The following FBXO36 variants were observed in gnomAD, a reference collection of about 807,000 sequenced individuals.
The protein encoded by FBXO36 is F-box only protein 36.
In FBXO36, 18 loss-of-function variants were observed where a neutral mutation model predicts 17.0. The ratio of observed to expected loss-of-function variants is 1.06; its 90% CI spans 0.73 to 1.57. The LOEUF is 1.57. Ranked by LOEUF, FBXO36 falls within the 40% of genes most tolerant of loss-of-function variation. FBXO36 has a pLI of 0.00. For synonymous variants in FBXO36, 83 were observed against 85.3 expected, an observed-to-expected ratio of 0.97 and a Z score of 0.15; for missense variants, 229 against 221.9, an observed-to-expected ratio of 1.03 and a Z score of -0.20.
At chr2:229,944,744 C>T (rs985523419) in intron 1 of FBXO36, among the ~76,000 whole-genome samples, 2 of 151,912 alleles carry the variant, frequency 1.3e-5, no homozygotes, top group East Asian at 1.9e-4. Flanking sequence ...AGGCGCCCAC[C>T]ACCACGCCCG....
intron 1 of FBXO36, among the ~76,000 whole-genome samples, chr2:229,933,968 G>C (rs2076951690): frequency 2.0e-5 from 3 of 151,614 alleles, no homozygotes; most frequent in Non-Finnish European, 4.4e-5. Flanking sequence ...TTACAGGCGT[G>C]AGTCACCGTG....
chr2:229,942,626 C>T (rs2077005504), intron 1 of FBXO36: 1 of 152,372 alleles, frequency 6.6e-6, no homozygotes, highest in African/African-American at 2.4e-5. Flanking sequence ...CCTAGCTCCA[C>T]AGGGGCAGAA....
chr2:229,969,426 C>T (rs999048880), intron 1 of FBXO36, among the ~76,000 whole-genome samples: 5 of 151,536 alleles, frequency 3.3e-5, no homozygotes, highest in Middle Eastern at 3.4e-3. Context: ...CGGTGGCTCA[C>T]GCCTGTAATC....
At chr2:230,005,205 A>G (rs1212298486) in intron 3 of FBXO36, among the ~76,000 whole-genome samples, 1 of 152,082 alleles carries the variant, frequency 6.6e-6, no homozygotes, top group African/African-American at 2.4e-5. Flanking sequence ...GGGCTCAAGC[A>G]ATCCTCCCAC....
At chr2:229,950,926 A>ATTTTG (rs2077054370) in intron 1 of FBXO36, among the ~76,000 whole-genome samples, 1 of 147,866 alleles carries the variant, frequency 6.8e-6, no homozygotes, top group African/African-American at 2.6e-5. Context: ...CCCACTAATT[A>ATTTTG]TTTTATTTTA....
intron 2 of FBXO36, chr2:229,977,158 T>C (rs1349666676): frequency 1.3e-5 from 2 of 152,142 alleles, no homozygotes; most frequent in Admixed American, 1.3e-4. Flanking sequence ...AAAAACATTT[T>C]TTTTATTAAA....
At chr2:229,951,962 T>C (rs889021706) in intron 1 of FBXO36, among the ~76,000 whole-genome samples, 1 of 152,228 alleles carries the variant, frequency 6.6e-6, no homozygotes, top group Admixed American at 6.5e-5. Context: ...CGCCAAGTTT[T>C]GCACTGTGGT....
chr2:229,929,944 C>G (rs192909398), intron 1 of FBXO36, among the ~76,000 whole-genome samples: 1 of 152,330 alleles, frequency 6.6e-6, no homozygotes, highest in African/African-American at 2.4e-5. Flanking sequence ...AATGTTTCCA[C>G]ACAGAAAGAA....
intron 2 of FBXO36, among the ~76,000 whole-genome samples, chr2:229,984,834 A>G (rs2077260261): frequency 6.6e-6 from 1 of 152,070 alleles, no homozygotes; most frequent in Non-Finnish European, 1.5e-5. Context: ...GCATTTTCGG[A>G]TGGTTTCCAG....
intron 1 of FBXO36, among the ~76,000 whole-genome samples, chr2:229,939,899 T>A (rs774256230): frequency 6.6e-6 from 1 of 152,150 alleles, no homozygotes; most frequent in Admixed American, 6.6e-5. Flanking sequence ...CTGATCAACA[T>A]GGTGAAACCA....
intron 1 of FBXO36, among the ~76,000 whole-genome samples, chr2:229,962,331 CT>C (rs931763399): frequency 2.0e-5 from 3 of 151,328 alleles, no homozygotes; most frequent in Non-Finnish European, 4.4e-5. Context: ...ATTTCGGTAT[CT>C]TTTTTTCTTT....
rs145971967 is a variant in FBXO36 at position 230,010,776 on chromosome 2, G to A, written c.459G>A (p.Ala153=). The A allele has an allele frequency of 9.4e-5, 151 of 1,613,944 alleles. No individual in the cohort carries two copies. The South Asian group carries it at 1.5e-3, about 16-fold the overall frequency. Residue 153 remains alanine (A), a synonymous_variant, in exon 4 of 4, where the codon GCG becomes GCA. Transcript: ENST00000283946. ...DTITPDVRAL[A]EDTGWRQLFF... Reference sequence around the variant, plus strand: ...TCACTCCTGACGTGAGGGCCCTGGCGGAGGACACAGGCTGGAGACAGCTGT... The same window carrying A: ...TCACTCCTGACGTGAGGGCCCTGGCAGAGGACACAGGCTGGAGACAGCTGT...
At chr2:229,925,875 GT>G (rs1462786717) in intron 1 of FBXO36, among the ~76,000 whole-genome samples, 1 of 152,008 alleles carries the variant, frequency 6.6e-6, no homozygotes, top group African/African-American at 2.4e-5. Context: ...TGGGAGAGGG[GT>G]TTTATTCAAA....
At chr2:229,972,959 G>T (rs2077188534) in intron 1 of FBXO36, among the ~76,000 whole-genome samples, 1 of 151,858 alleles carries the variant, frequency 6.6e-6, no homozygotes, top group Admixed American at 6.6e-5. Flanking sequence ...CTACTCGAGA[G>T]GTTGAGGTAG....
intron 1 of FBXO36, among the ~76,000 whole-genome samples, chr2:229,959,773 G>T (rs886935303): frequency 6.6e-6 from 1 of 151,942 alleles, no homozygotes; most frequent in African/African-American, 2.4e-5. Flanking sequence ...GTGAACCCAG[G>T]AGGTGGAGCT....
chr2:229,973,940 C>G (rs576285745), intron 1 of FBXO36, among the ~76,000 whole-genome samples: 1 of 151,824 alleles, frequency 6.6e-6, no homozygotes, highest in Non-Finnish European at 1.5e-5. Flanking sequence ...GTCCCAGCTA[C>G]TCAGGAGGCT....
intron 2 of FBXO36, among the ~76,000 whole-genome samples, chr2:229,994,088 A>G (rs944439976): frequency 1.3e-5 from 2 of 152,106 alleles, no homozygotes; most frequent in African/African-American, 4.8e-5. Context: ...TACACTTTAA[A>G]TACTTTATTG....
intron 1 of FBXO36, among the ~76,000 whole-genome samples, chr2:229,944,765 T>C (rs1291991531): frequency 6.6e-6 from 1 of 151,748 alleles, no homozygotes; most frequent in Non-Finnish European, 1.5e-5. Context: ...GCTAATTTTT[T>C]TGTATTTTTA....
intron 2 of FBXO36, among the ~76,000 whole-genome samples, chr2:229,986,278 T>C (rs1046409787): frequency 5.3e-5 from 8 of 151,966 alleles, no homozygotes; most frequent in African/African-American, 1.9e-4. Context: ...GGCTGGAGGA[T>C]CACTTGAGCC....
Sources: allele counts gnomAD v4.1 joint callset (sites outside exome capture counted in the v4.1 genomes callset), GRCh38; gene constraint gnomAD v4.1.1; transcripts MANE v1.5; gene names NCBI Gene and HGNC (gene_info 2026-07-23, HGNC 2026-07-21).